Variants in PTK2B observed in about 807,000 individuals in gnomAD.
The protein encoded by PTK2B is protein tyrosine kinase 2 beta, also known as protein-tyrosine kinase 2-beta.
In PTK2B, 71 loss-of-function variants were observed where a neutral mutation model predicts 142.9. The observed-to-expected ratio is 0.50, with a 90% CI of 0.41 to 0.61. PTK2B has a LOEUF of 0.61. Among genes scored for constraint, PTK2B ranks in the 20% least tolerant of loss-of-function variants. PTK2B has a pLI of 0.00. For missense variants in PTK2B, 1,105 were observed against 1,320.4 expected (o/e 0.84, Z 2.53); for synonymous variants, 519 against 503.4 (o/e 1.03, Z -0.42).
intron 21 of PTK2B, 48 bp downstream of exon 21, chr8:27,440,489 C>A (rs756885308): frequency 9.5e-5 from 150 of 1,584,150 alleles, no homozygotes; most frequent in Non-Finnish European, 1.3e-4. Context: ...CCGGCTGCAC[C>A]AGGGAGCAAG....
At chr8:27,437,333 G>A (rs879351723) in intron 16 of PTK2B, 63 bp from the exon 17 acceptor site, 27 of 1,558,452 alleles carry the variant, frequency 1.7e-5, no homozygotes, top group Non-Finnish European at 2.3e-5. Context: ...GAAGAGCAAA[G>A]GCCTTTTCTG....
At chr8:27,321,224 G>A (rs1803209233), upstream of PTK2B, among the ~76,000 whole-genome samples, 1 of 151,744 alleles carries the variant, frequency 6.6e-6, no homozygotes, top group Non-Finnish European at 1.5e-5. Flanking sequence ...TCGAACTCTT[G>A]GCCTCAAGCA....
chr8:27,340,943 G>A (rs1158101824), intron 1 of PTK2B, among the ~76,000 whole-genome samples: 1 of 152,256 alleles, frequency 6.6e-6, no homozygotes, highest in African/African-American at 2.4e-5. Flanking sequence ...GGCTTGGCCA[G>A]GCGGGTAAGA....
chr8:27,333,057 A>G (rs796954443), intron 1 of PTK2B, among the ~76,000 whole-genome samples: 9 of 152,356 alleles, frequency 5.9e-5, no homozygotes, highest in African/African-American at 1.4e-4. Context: ...CCTTCTGGCT[A>G]TGGACTCTGG....
chr8:27,409,565 A>G (rs1808930207), intron 2 of PTK2B, among the ~76,000 whole-genome samples: 2 of 152,328 alleles, frequency 1.3e-5, no homozygotes, highest in African/African-American at 2.4e-5. Context: ...CATGTGGGAA[A>G]AAAACCCAAA....
intron 5 of PTK2B, among the ~76,000 whole-genome samples, chr8:27,423,488 G>GT (rs1809887092): frequency 2.6e-5 from 4 of 152,136 alleles, no homozygotes; most frequent in African/African-American, 9.7e-5. Context: ...TATCCTAGGC[G>GT]TTTTTGACCA....
At chr8:27,422,790 T>G (rs1296569398) in intron 5 of PTK2B, among the ~76,000 whole-genome samples, 2 of 152,214 alleles carry the variant, frequency 1.3e-5, no homozygotes, top group African/African-American at 4.8e-5. Context: ...CAGTAGGCAC[T>G]TGATCAATAT....
intron 5 of PTK2B, among the ~76,000 whole-genome samples, chr8:27,428,988 C>T (rs1486077263): frequency 6.6e-6 from 1 of 152,132 alleles, no homozygotes; most frequent in African/African-American, 2.4e-5. Flanking sequence ...GGTGCAATCT[C>T]GGCTCACTGC....
At chr8:27,340,036 C>G (rs913796631) in intron 1 of PTK2B, among the ~76,000 whole-genome samples, 2 of 152,224 alleles carry the variant, frequency 1.3e-5, no homozygotes, top group Non-Finnish European at 2.9e-5. Context: ...TTCCTTGAAG[C>G]CATGTTTCCT....
upstream of PTK2B, chr8:27,322,775 C>T (rs1803249668): frequency 6.6e-6 from 1 of 151,098 alleles, no homozygotes; most frequent in Non-Finnish European, 1.5e-5. Flanking sequence ...TACTGGCTAT[C>T]ATCCTAAATG....
At chr8:27,431,362 G>T (rs762731729) in intron 8 of PTK2B, 36 bp from the exon 9 acceptor site, 1 of 1,614,072 alleles carries the variant, frequency 6.2e-7, no homozygotes, top group Non-Finnish European at 8.5e-7. Context: ...GGGGAGGACA[G>T]CTCTGGAACA....
intron 2 of PTK2B, among the ~76,000 whole-genome samples, chr8:27,409,145 G>A (rs981642155): frequency 1.3e-5 from 2 of 152,072 alleles, no homozygotes; most frequent in Non-Finnish European, 2.9e-5. Context: ...ATTTTAACTC[G>A]ATTAGTCTGT....
chr8:27,357,084 T>G (rs1033711177), intron 1 of PTK2B, among the ~76,000 whole-genome samples: 1 of 152,108 alleles, frequency 6.6e-6, no homozygotes, highest in Non-Finnish European at 1.5e-5. Context: ...AAAAAAATAA[T>G]GAAAATGGGA....
Position 27,420,746 on chromosome 8 carries a change from TA to T in PTK2B, c.471+7del. On this transcript the variant is annotated splice_donor_region_variant and intron_variant, in intron 4 of 30. Transcript: ENST00000346049. ...ACGCTGCTCTATTTTTACCAACAGGTAAAAAGTACTTTATCTTCTTGCCCCG... is the reference window on the plus strand; with the variant it reads ...ACGCTGCTCTATTTTTACCAACAGGTAAAAGTACTTTATCTTCTTGCCCCG... 6.2e-7 allele frequency: 1 copy of T among 1,606,406 alleles called. No homozygotes were observed. Among genetic ancestry groups the T allele is most frequent in the Non-Finnish European group, 8.5e-7 (1 of 1,173,040 alleles).
At chr8:27,429,033 C>T (rs1215454819) in intron 5 of PTK2B, among the ~76,000 whole-genome samples, 1 of 152,146 alleles carries the variant, frequency 6.6e-6, no homozygotes, top group Non-Finnish European at 1.5e-5. Flanking sequence ...GATTCTCCTG[C>T]CTCAGCCTCC....
Position 27,451,802 on chromosome 8 carries a change from T to C in PTK2B, c.2548+293T>C, listed in dbSNP as rs1811837489. The C allele has an allele frequency of 6.3e-6, 8 of 1,278,484 alleles. No individual in the cohort carries two copies. The South Asian group carries it at 9.7e-5, about 16-fold the overall frequency. 79.2% of individuals were successfully genotyped at this position (1,278,484 alleles called of 1,614,324 possible). ...GTTTGGAGGAGCTGGAAATTCTCTC[T>C]TCCTCATTTCCTGCTCTGTTGGAAG... On this transcript the variant is annotated intron_variant, in intron 27 of 30. Transcript: ENST00000346049.
intron 1 of PTK2B, among the ~76,000 whole-genome samples, chr8:27,336,661 C>T (rs1420731713): frequency 6.6e-6 from 1 of 152,212 alleles, no homozygotes; most frequent in Non-Finnish European, 1.5e-5. Flanking sequence ...TGCTTTCCCC[C>T]AACTCTCCCA....
intron 11 of PTK2B, 27 bp from the exon 12 acceptor site, chr8:27,434,066 A>C (rs1586315351): frequency 6.2e-7 from 1 of 1,613,462 alleles, no homozygotes; most frequent in Non-Finnish European, 8.5e-7. Context: ...CCCAGCTCCA[A>C]CCTCCTCCTT....
chr8:27,394,855 G>A (rs1166964068), intron 1 of PTK2B, among the ~76,000 whole-genome samples: 3 of 151,228 alleles, frequency 2.0e-5, no homozygotes, highest in African/African-American at 4.9e-5. Context: ...CTTTTTAAAC[G>A]TTTTTATTAA....
Sources: allele counts gnomAD v4.1 joint callset (sites outside exome capture counted in the v4.1 genomes callset), GRCh38; gene constraint gnomAD v4.1.1; transcripts MANE v1.5; gene names NCBI Gene and HGNC (gene_info 2026-07-23, HGNC 2026-07-21).